The following KIDINS220 variants were observed in gnomAD, a reference collection of about 807,000 sequenced individuals.
The protein encoded by KIDINS220 is kinase D-interacting substrate of 220 kDa.
KIDINS220 carries 63 observed loss-of-function variants against 157.6 expected under a neutral mutation model. The observed-to-expected ratio is 0.40, with a 90% confidence interval of 0.33 to 0.49. KIDINS220 has a LOEUF of 0.49. Among genes scored for constraint, KIDINS220 ranks in the 20% least tolerant of loss-of-function variants. The pLI, the probability that KIDINS220 is intolerant of heterozygous loss-of-function variation, is 0.66. For missense variants in KIDINS220, 1,772 were observed against 2,171.2 expected (o/e 0.82, Z 3.65); for synonymous variants, 732 against 783.6 (o/e 0.93, Z 1.10).
intron 6 of KIDINS220, among the ~76,000 whole-genome samples, chr2:8,809,849 C>G (rs12476400): frequency 0.21 from 32,516 of 151,868 alleles, 4,314 homozygotes; most frequent in Middle Eastern, 0.32. Flanking sequence ...CTAAAACACC[C>G]CTTTGCAACC....
chr2:8,809,988 C>A (rs1415588167), intron 6 of KIDINS220, among the ~76,000 whole-genome samples: 1 of 152,100 alleles, frequency 6.6e-6, no homozygotes, highest in Non-Finnish European at 1.5e-5. Flanking sequence ...CTCCTCCCAC[C>A]CATCTCCTCA....
chr2:8,778,552 C>T, intron 20 of KIDINS220, 87 bp downstream of exon 20: 2 of 899,834 alleles, frequency 2.2e-6, no homozygotes, highest in South Asian at 2.7e-5. Context: ...GCAATATTTA[C>T]AAAGTATTAT....
downstream of KIDINS220, chr2:8,721,214 C>A (rs1662939900): frequency 6.6e-6 from 1 of 151,828 alleles, no homozygotes; most frequent in Non-Finnish European, 1.5e-5. Context: ...AAGAAAAATA[C>A]ATATAGTGGT....
At position 8,818,730 on chromosome 2, in the gene KIDINS220, T is replaced by A; in HGVS notation, c.172A>T (p.Ile58Phe). The A allele has an allele frequency of 1.2e-6, 2 of 1,607,154 alleles. No individual in the cohort carries two copies. Among genetic ancestry groups the A allele is most frequent in the Non-Finnish European group, 1.7e-6 (2 of 1,174,770 alleles). The change falls in exon 3 of 30, where the codon ATT becomes TTT. Residue 58 changes from isoleucine to phenylalanine, a missense_variant. By Grantham distance (21) the Ile-to-Phe change is conservative. This residue lies in a region of KIDINS220 where 254 missense variants were observed against 268.6 expected (regional missense o/e 0.95). Coordinates refer to ENST00000256707, the MANE Select transcript of KIDINS220 (RefSeq NM_020738.4). ...AGATTGCAGTTAGCTCCATTCTTAA[T>A]TAATTCCTTCACTATTTCCAGATTG... ...QGNLEIVKEL[I>F]KNGANCNLED... is the part of the protein sequence containing the mutation.
rs530473281 is a variant in KIDINS220 at position 8,741,769 on chromosome 2, G to C, written c.3586-4770C>G. On this transcript the variant is annotated intron_variant, in intron 26 of 29. Coordinates refer to ENST00000256707, the MANE Select transcript of KIDINS220 (RefSeq NM_020738.4). The stretch of plus-strand genomic sequence containing the variant: ...TTTAGGAAAAAAGTTTTCTTGAGTT[G>C]AAGTCTGGCACAAAGACTTTCAAGC... Among the ~76,000 whole-genome samples, 10 of 152,290 alleles carry C rather than the reference G, an allele frequency of 6.6e-5. No individual in the cohort carries two copies. The South Asian group carries it at 1.9e-3, about 28-fold the overall frequency.
rs1293415502 is a variant in KIDINS220, at chr2:8,731,062, C to A, written c.4974G>T (p.Leu1658Phe). 6.2e-7 allele frequency: 1 copy of A among 1,614,198 alleles called. No individual in the cohort carries two copies. The highest frequency in any genetic ancestry group is 1.7e-5 in the Admixed American group (1 of 60,030). ...AGTTTTCTTCAGGGCTGCTGGCTAT[C>A]AAGCTGCATTCGGAAGGGCTTTTCT... is the stretch of plus-strand genomic sequence containing the variant. Reference protein sequence around the residue: ...EDKKSPSECSLIASSPEENWP... With the variant: ...EDKKSPSECSFIASSPEENWP... The change falls in exon 30 of 30, where the codon TTG becomes TTT. Residue 1658 changes from leucine to phenylalanine, a missense_variant. By Grantham distance (22) the Leu-to-Phe change is conservative. This residue lies in a region of KIDINS220 where 793 missense variants were observed against 885.5 expected (regional missense o/e 0.90). Coordinates refer to ENST00000256707, the MANE Select transcript of KIDINS220 (RefSeq NM_020738.4). This position sits in a 1 kb window ranked among gnomAD's most constrained non-coding sequence, Gnocchi z 5.2.
chr2:8,818,807 A>G lies in KIDINS220; in HGVS notation c.109-14T>C. On this transcript the variant is annotated splice_polypyrimidine_tract_variant and intron_variant, in intron 2 of 29. Transcript: ENST00000256707. Reference sequence around the variant, plus strand: ...AGTCTGGCCACACTAGAGAATATAAAAGACAAAGGGAACTTATCAAGTTAC... The same window carrying G: ...AGTCTGGCCACACTAGAGAATATAAGAGACAAAGGGAACTTATCAAGTTAC... The G allele has an allele frequency of 6.7e-7, 1 of 1,488,302 alleles. No homozygotes were observed. The highest frequency in any genetic ancestry group is 9.2e-7 in the Non-Finnish European group (1 of 1,082,796). The allele number at this position is 1,488,302 out of a possible 1,614,324, so 92.2% of individuals were successfully genotyped here. A position where few individuals can be genotyped will look rare whatever the true frequency, so the allele number is the denominator to read the frequency against.
chr2:8,751,712 C>G, intron 22 of KIDINS220, 68 bp from the exon 23 acceptor site: 2 of 1,081,680 alleles, frequency 1.8e-6, no homozygotes, highest in South Asian at 1.5e-5. Flanking sequence ...CTGCATGTCA[C>G]CTGAAGTTAC....
Position 8,730,995 on chromosome 2 carries a change from T to A in KIDINS220, c.5041A>T (p.Ser1681Cys). The A allele has an allele frequency of 6.2e-7, 1 of 1,614,230 alleles. No individual in the cohort carries two copies. The highest frequency in any genetic ancestry group is 8.5e-7 in the Non-Finnish European group (1 of 1,180,038). ...CTATTGTTGTTCAGAGTCACGGTGC[T>A]GGGAGTTCGGTTCAGGTTGTAGGCT... Reference protein sequence around the residue: ...QKAYNLNRTPSTVTLNNNSAP... With the variant: ...QKAYNLNRTPCTVTLNNNSAP... The change falls in exon 30 of 30, where the codon AGC becomes TGC. Residue 1681 changes from serine to cysteine, a missense_variant. Transcript: ENST00000256707.
chr2:8,745,567 G>A (rs778766110), intron 26 of KIDINS220, among the ~76,000 whole-genome samples: 1 of 152,188 alleles, frequency 6.6e-6, no homozygotes, highest in South Asian at 2.1e-4. Context: ...GGGAGGCCAA[G>A]ACGGGCAGAT....
intron 23 of KIDINS220, 86 bp from the exon 24 acceptor site, chr2:8,750,421 A>G (rs751364850): frequency 1.2e-6 from 1 of 860,428 alleles, no homozygotes; most frequent in Non-Finnish European, 1.6e-6. Flanking sequence ...TTTAGTTACT[A>G]GGCAGAAACA....
intron 17 of KIDINS220, among the ~76,000 whole-genome samples, chr2:8,781,153 A>ATATATAAAATAT (rs70946383): frequency 1.2e-4 from 15 of 130,394 alleles, no homozygotes; most frequent in African/African-American, 3.7e-4. Flanking sequence ...ATATATATAT[A>ATATATAAAATAT]ATATATATAT....
At chr2:8,832,439 C>T (rs1271120173) in intron 1 of KIDINS220, among the ~76,000 whole-genome samples, 1 of 152,172 alleles carries the variant, frequency 6.6e-6, no homozygotes, top group Admixed American at 6.6e-5. Context: ...ACCAATGACA[C>T]GCTGTCATGT....
chr2:8,776,666 C>T (rs1670994361), intron 21 of KIDINS220, 82 bp downstream of exon 21: 1 of 1,264,202 alleles, frequency 7.9e-7, no homozygotes, highest in Non-Finnish European at 1.1e-6. Context: ...ACACACAATA[C>T]ATACCTTTGT....
At chr2:8,812,297 A>G in intron 6 of KIDINS220, 98 bp downstream of exon 6, 1 of 484,414 alleles carries the variant, frequency 2.1e-6, no homozygotes, top group Non-Finnish European at 3.6e-6. Flanking sequence ...TATAAAATAC[A>G]TTAGAGAAGC....
chr2:8,752,004 C>CA (rs1386005932), intron 22 of KIDINS220, among the ~76,000 whole-genome samples: 7 of 152,046 alleles, frequency 4.6e-5, no homozygotes, highest in Admixed American at 2.6e-4. Context: ...CATGCCCAGC[C>CA]AAAAAATCTA....
chr2:8,732,758 C>T (rs1312248681), intron 29 of KIDINS220, among the ~76,000 whole-genome samples: 3 of 152,200 alleles, frequency 2.0e-5, no homozygotes, highest in Non-Finnish European at 4.4e-5. Flanking sequence ...CGCTGCTCCT[C>T]CTCACCGCTG....
rs528870956 is a variant in KIDINS220 at position 8,756,325 on chromosome 2, A to C, written c.3012-4681T>G. ...AACTGATTTTTGTGTGTTGATCTGT[A>C]TCCTGCAAACTTTGCTGATTAATTA... On this transcript the variant is annotated intron_variant, in intron 22 of 29. Coordinates refer to ENST00000256707, the MANE Select transcript of KIDINS220 (RefSeq NM_020738.4). 5.3e-5 allele frequency among the ~76,000 whole-genome samples: 8 copies of C among 152,310 alleles called. 1 individual carries two copies. Among genetic ancestry groups the C allele is most frequent in the African/African-American group, 1.9e-4 (8 of 41,558 alleles).
At chr2:8,769,741 C>T (rs938879749) in intron 22 of KIDINS220, among the ~76,000 whole-genome samples, 1 of 152,010 alleles carries the variant, frequency 6.6e-6, no homozygotes, top group African/African-American at 2.4e-5. Flanking sequence ...TACTACAGAA[C>T]CAAGAGAAAA....
Sources: allele counts gnomAD v4.1 joint callset (sites outside exome capture counted in the v4.1 genomes callset), GRCh38; gene constraint gnomAD v4.1.1; regional missense constraint gnomAD v4.1.1; non-coding constraint Gnocchi (gnomAD v3.1); transcripts MANE v1.5; gene names NCBI Gene and HGNC (gene_info 2026-07-23, HGNC 2026-07-21).